Variants in NIPBL observed in about 807,000 individuals in gnomAD.
The protein encoded by NIPBL is nipped-B-like protein.
Under a neutral mutation model 321.8 loss-of-function variants are expected in NIPBL, and 19 were observed. The observed-to-expected ratio is 0.06, with a 90% CI of 0.04 to 0.09. The LOEUF is 0.09. NIPBL is among the 10% of genes least tolerant of loss of function. The pLI is 1.00. For missense variants in NIPBL, 2,210 were observed against 3,327.0 expected, an observed-to-expected ratio of 0.66 and a Z score of 8.26; for synonymous variants, 1,106 against 1,114.1, an observed-to-expected ratio of 0.99 and a Z score of 0.14.
At chr5:36,885,493 A>AG in intron 1 of NIPBL, 1 of 500,726 alleles carries the variant, frequency 2.0e-6, no homozygotes, top group South Asian at 1.5e-5. Flanking sequence ...ACCTGGACAG[A>AG]GTGAGGAGCC....
intron 5 of NIPBL, 127 bp from the exon 6 acceptor site, chr5:36,961,996 T>C: frequency 9.5e-7 from 1 of 1,052,704 alleles, no homozygotes; most frequent in South Asian, 1.4e-5. Flanking sequence ...TTTGCAAGAT[T>C]CTTCTGTTTG....
At chr5:37,039,170 G>A (rs1752051075) in intron 34 of NIPBL, among the ~76,000 whole-genome samples, 1 of 151,928 alleles carries the variant, frequency 6.6e-6, no homozygotes, top group Non-Finnish European at 1.5e-5. Flanking sequence ...ATAAGGAACA[G>A]TAGTCAACCT....
At chr5:36,885,863 G>C (rs1277354174) in intron 1 of NIPBL, 2 of 721,166 alleles carry the variant, frequency 2.8e-6, no homozygotes, top group Non-Finnish European at 2.6e-6. Flanking sequence ...CGAAGAGGAA[G>C]TAAAAGGCCT....
chr5:36,943,807 A>C (rs1739367885), intron 1 of NIPBL, among the ~76,000 whole-genome samples: 2 of 152,124 alleles, frequency 1.3e-5, no homozygotes, highest in Non-Finnish European at 2.9e-5. Context: ...CAGCAGAAAA[A>C]CTAGGAGAAT....
intron 11 of NIPBL, among the ~76,000 whole-genome samples, chr5:36,997,510 T>G (rs1272209963): frequency 1.3e-5 from 2 of 152,154 alleles, no homozygotes; most frequent in Non-Finnish European, 2.9e-5. Context: ...TGTCTCATCT[T>G]ATGGAGGCAC....
At chr5:36,976,438 G>T in intron 9 of NIPBL, 36 bp downstream of exon 9, 1 of 1,596,686 alleles carries the variant, frequency 6.3e-7, no homozygotes, top group South Asian at 1.1e-5. Context: ...TCATCATCTG[G>T]GCAAATATGT....
At chr5:36,963,378 T>A (rs1295592418) in intron 6 of NIPBL, among the ~76,000 whole-genome samples, 2 of 152,196 alleles carry the variant, frequency 1.3e-5, no homozygotes, top group African/African-American at 4.8e-5. Context: ...CTTATTAATG[T>A]ATAAACTTTT....
At chr5:36,972,941 T>C (rs1024454963) in intron 8 of NIPBL, among the ~76,000 whole-genome samples, 1 of 152,190 alleles carries the variant, frequency 6.6e-6, no homozygotes, top group African/African-American at 2.4e-5. Flanking sequence ...TTAGTTTATA[T>C]TTTTTGTAAG....
intron 34 of NIPBL, among the ~76,000 whole-genome samples, chr5:37,038,993 C>T (rs1238418829): frequency 2.0e-5 from 3 of 152,142 alleles, no homozygotes; most frequent in South Asian, 2.1e-4. Flanking sequence ...TTGTTAAGAT[C>T]TCAAAATGAA....
At chr5:37,044,604 A>T (rs747951987) in intron 35 of NIPBL, 32 bp from the exon 36 acceptor site, 1 of 1,591,954 alleles carries the variant, frequency 6.3e-7, no homozygotes, top group East Asian at 2.3e-5. Context: ...TATATTTTTA[A>T]CTTTTATCTA....
intron 6 of NIPBL, among the ~76,000 whole-genome samples, chr5:36,969,526 T>TA (rs1411786606): frequency 6.6e-6 from 1 of 152,226 alleles, no homozygotes; most frequent in Non-Finnish European, 1.5e-5. Context: ...ATGATTTCTT[T>TA]AATTAATGAT....
At chr5:37,053,275 T>G (rs763184870) in intron 42 of NIPBL, among the ~76,000 whole-genome samples, 1 of 152,114 alleles carries the variant, frequency 6.6e-6, no homozygotes, top group Non-Finnish European at 1.5e-5. Flanking sequence ...TATAACACAA[T>G]GGTAAGTATT....
chr5:36,947,729 AAAGT>A (rs1445332537), intron 1 of NIPBL, among the ~76,000 whole-genome samples: 3 of 151,944 alleles, frequency 2.0e-5, no homozygotes, highest in Non-Finnish European at 2.9e-5. Context: ...CCTGAATCAT[AAAGT>A]AATATTCTAA....
intron 6 of NIPBL, among the ~76,000 whole-genome samples, chr5:36,964,624 T>C (rs374105567): frequency 8.6e-5 from 13 of 152,034 alleles, no homozygotes; most frequent in African/African-American, 3.1e-4. Context: ...CTGTGCAAAA[T>C]ACTTTCTGTT....
chr5:36,971,412 T>C (rs937262173), intron 7 of NIPBL, among the ~76,000 whole-genome samples: 4 of 152,136 alleles, frequency 2.6e-5, no homozygotes, highest in Non-Finnish European at 5.9e-5. Context: ...AGGTTAATAC[T>C]GCTCACACTA....
At chr5:37,046,581 T>G (rs1255413164) in intron 38 of NIPBL, among the ~76,000 whole-genome samples, 1 of 152,236 alleles carries the variant, frequency 6.6e-6, no homozygotes, top group African/African-American at 2.4e-5. Context: ...TTGCAAAGCT[T>G]TGTCACTACA....
chr5:37,022,422 A>G, intron 29 of NIPBL, 32 bp downstream of exon 29: 1 of 1,574,554 alleles, frequency 6.4e-7, no homozygotes, highest in Non-Finnish European at 8.6e-7. Flanking sequence ...TGATTCGTGA[A>G]TATAATTTTG....
chr5:37,021,954 A>T, intron 27 of NIPBL, 97 bp from the exon 28 acceptor site: 1 of 893,278 alleles, frequency 1.1e-6, no homozygotes, highest in Non-Finnish European at 1.8e-6. Flanking sequence ...AAGAGAGGTA[A>T]ATAATAGATT....
At chr5:36,923,175 G>C (rs1242478635) in intron 1 of NIPBL, among the ~76,000 whole-genome samples, 1 of 151,776 alleles carries the variant, frequency 6.6e-6, no homozygotes, top group Admixed American at 6.5e-5. Flanking sequence ...GTGTGGTGGC[G>C]TGCACCTGTA....
Sources: gnomAD v4.1 joint callset for allele counts (sites outside exome capture counted in the v4.1 genomes callset) on GRCh38, gnomAD v4.1.1 for gene constraint, MANE v1.5 for transcripts, NCBI Gene and HGNC (gene_info 2026-07-23, HGNC 2026-07-21) for gene names.